The following NYAP2 variants were observed in gnomAD, a reference collection of about 807,000 sequenced individuals.
NYAP2 encodes neuronal tyrosine-phosphorylated phosphoinositide-3-kinase adapter 2.
Under a neutral mutation model 50.4 loss-of-function variants are expected in NYAP2, and 23 were observed. The observed-to-expected ratio is 0.46, with a 90% CI of 0.33 to 0.65. The LOEUF is 0.65. Among genes scored for constraint, NYAP2 ranks in the 30% least tolerant of loss-of-function variants. The pLI is 0.02. For synonymous variants in NYAP2, 394 were observed against 365.2 expected (o/e 1.08, Z -0.90); for missense variants, 885 against 861.0 (o/e 1.03, Z -0.35).
intron 3 of NYAP2, among the ~76,000 whole-genome samples, chr2:225,443,613 A>G (rs1321576885): frequency 3.9e-5 from 6 of 152,238 alleles, no homozygotes; most frequent in Non-Finnish European, 8.8e-5. Context: ...AAATAAAAAA[A>G]AAGAAAAGAA....
chr2:225,491,945 T>C (rs535285059), intron 3 of NYAP2, among the ~76,000 whole-genome samples: 2 of 152,294 alleles, frequency 1.3e-5, no homozygotes, highest in Non-Finnish European at 2.9e-5. Context: ...ATACCCTATC[T>C]GGCTAAGAAA....
chr2:225,399,069 TA>T (rs927720026), upstream of NYAP2, among the ~76,000 whole-genome samples: 1 of 152,026 alleles, frequency 6.6e-6, no homozygotes, highest in African/African-American at 2.4e-5. Flanking sequence ...ATATAGACGT[TA>T]AAAAACACTC....
rs192318004 is a variant in NYAP2 at position 225,618,741 on chromosome 2, G to A, written c.1619-8176G>A. Among the ~76,000 whole-genome samples, 12 of 152,362 alleles carry A rather than the reference G, an allele frequency of 7.9e-5. No homozygotes were observed. The East Asian group carries it at 1.9e-3, about 24-fold the overall frequency. On this transcript the variant is annotated intron_variant, in intron 5 of 6. Transcript: ENST00000636099. ...TGAGAGCTGCCAGAAACTAGTTTAC[G>A]AAGGGCCTGATGTCTTAACCCAAAG...
chr2:225,488,660 A>G (rs983871009), intron 3 of NYAP2, among the ~76,000 whole-genome samples: 1 of 152,190 alleles, frequency 6.6e-6, no homozygotes, highest in Non-Finnish European at 1.5e-5. Flanking sequence ...GGCATAAGCC[A>G]CCATACCCAG....
At chr2:225,413,269 A>T (rs73994743) in intron 3 of NYAP2, among the ~76,000 whole-genome samples, 2,071 of 152,226 alleles carry the variant, frequency 0.014, 49 homozygotes, top group African/African-American at 0.047. Context: ...TAGGTAAGGG[A>T]GGAAGCTGGA....
intron 3 of NYAP2, among the ~76,000 whole-genome samples, chr2:225,475,770 T>C (rs953626319): frequency 6.6e-6 from 1 of 152,212 alleles, no homozygotes; most frequent in Non-Finnish European, 1.5e-5. Flanking sequence ...ATTTTCATAA[T>C]ACTGAACTGA....
At chr2:225,419,245 A>G (rs183987691) in intron 3 of NYAP2, among the ~76,000 whole-genome samples, 32 of 152,348 alleles carry the variant, frequency 2.1e-4, no homozygotes, top group African/African-American at 7.7e-4. Context: ...AGAATGCTTG[A>G]CATTTTCAAA....
At chr2:225,686,326 A>G in the NYAP2 span, among the ~76,000 whole-genome samples, 1 of 152,158 alleles carries the variant, frequency 6.6e-6, no homozygotes, top group Non-Finnish European at 1.5e-5. Flanking sequence ...CGCTGCAGCA[A>G]GAGTTTGTAA....
At chr2:225,566,657 T>C (rs1372806267) in intron 4 of NYAP2, among the ~76,000 whole-genome samples, 1 of 152,238 alleles carries the variant, frequency 6.6e-6, no homozygotes, top group Non-Finnish European at 1.5e-5. Context: ...TTCCTTTCAC[T>C]GTAGGTAGAA....
intron 4 of NYAP2, among the ~76,000 whole-genome samples, chr2:225,556,487 C>G (rs1380989170): frequency 2.6e-5 from 4 of 152,258 alleles, no homozygotes; most frequent in Middle Eastern, 3.4e-3. Context: ...ATAATTTAGG[C>G]ATCTAGACTT....
intron 3 of NYAP2, among the ~76,000 whole-genome samples, chr2:225,410,378 A>C (rs1309173804): frequency 6.6e-6 from 1 of 152,002 alleles, no homozygotes; most frequent in East Asian, 1.9e-4. Context: ...ACCAATTTTA[A>C]CTGGTGTCAT....
intron 4 of NYAP2, among the ~76,000 whole-genome samples, chr2:225,542,416 G>A (rs564401776): frequency 1.2e-4 from 18 of 152,028 alleles, no homozygotes; most frequent in Admixed American, 6.6e-4. Flanking sequence ...TGTTGTATAC[G>A]GCTTTTCTTA....
chr2:225,516,283 G>T (rs1446131632), intron 4 of NYAP2, among the ~76,000 whole-genome samples: 1 of 152,178 alleles, frequency 6.6e-6, no homozygotes, highest in Non-Finnish European at 1.5e-5. Context: ...CAAGCAGAAT[G>T]CAGCAGTTCA....
chr2:225,617,500 G>A (rs1041261722), intron 5 of NYAP2, among the ~76,000 whole-genome samples: 3 of 151,988 alleles, frequency 2.0e-5, no homozygotes, highest in South Asian at 4.2e-4. Context: ...TAAATCATCT[G>A]AGTCATCTAC....
chr2:225,689,766 T>C, the NYAP2 span, among the ~76,000 whole-genome samples: 2 of 151,890 alleles, frequency 1.3e-5, no homozygotes, highest in African/African-American at 2.4e-5. Flanking sequence ...GAGTTAAAGA[T>C]GGAAAAAAAT....
At chr2:225,485,604 G>A (rs1297996073) in intron 3 of NYAP2, among the ~76,000 whole-genome samples, 1 of 152,134 alleles carries the variant, frequency 6.6e-6, no homozygotes, top group Non-Finnish European at 1.5e-5. Context: ...ATTATTGGTG[G>A]GAGGGGTGTG....
At chr2:225,421,636 A>G (rs992108074) in intron 3 of NYAP2, among the ~76,000 whole-genome samples, 2 of 152,224 alleles carry the variant, frequency 1.3e-5, no homozygotes, top group African/African-American at 4.8e-5. Flanking sequence ...TAGAATCTAA[A>G]ATAGTTCATC....
intron 4 of NYAP2, among the ~76,000 whole-genome samples, chr2:225,531,216 A>C (rs914998670): frequency 2.0e-5 from 3 of 152,160 alleles, no homozygotes; most frequent in Non-Finnish European, 4.4e-5. Context: ...TCTTACAGCC[A>C]ACTCAGACTA....
At chr2:225,556,698 C>G (rs1229658573) in intron 4 of NYAP2, among the ~76,000 whole-genome samples, 3 of 150,162 alleles carry the variant, frequency 2.0e-5, no homozygotes, top group Non-Finnish European at 4.5e-5. Context: ...CTCTGGTTGG[C>G]AGCTACTTCC....
Sources: gnomAD v4.1 joint callset for allele counts (sites outside exome capture counted in the v4.1 genomes callset) on GRCh38, gnomAD v4.1.1 for gene constraint, MANE v1.5 for transcripts, NCBI Gene and HGNC (gene_info 2026-07-23, HGNC 2026-07-21) for gene names.